The following DMD variants were observed in gnomAD, a reference collection of about 807,000 sequenced individuals.
The protein encoded by DMD is dystrophin.
A neutral mutation model predicts 330.1 loss-of-function variants in DMD; 63 were observed. That is an observed-to-expected ratio of 0.19 (90% CI 0.16 to 0.24). The LOEUF is 0.24. Ranked by LOEUF, DMD falls within the 10% of genes least tolerant of loss-of-function variation. The pLI, the probability that DMD is intolerant of heterozygous loss-of-function variation, is 1.00. For missense variants in DMD, 3,344 were observed against 2,684.1 expected (o/e 1.25, Z -5.43); for synonymous variants, 1,223 against 959.8 (o/e 1.27, Z -5.07).
chrX:31,682,364 C>T (rs1412680786), intron 52 of DMD, among the ~76,000 whole-genome samples: 2 of 111,336 alleles, frequency 1.8e-5, no homozygotes, highest in African/African-American at 3.3e-5. Context: ...AATCTTTGAA[C>T]GCCATTGTTT....
chrX:32,517,493 T>A (rs1239852119), intron 18 of DMD: 6 of 113,297 alleles, frequency 5.3e-5, no homozygotes, highest in Non-Finnish European at 1.1e-4. Flanking sequence ...TGGACACCTT[T>A]TAGATAAGGT....
At chrX:33,191,796 A>T (rs1418465112) in intron 1 of DMD, among the ~76,000 whole-genome samples, 1 of 111,954 alleles carries the variant, frequency 8.9e-6, no homozygotes, top group Non-Finnish European at 1.9e-5. Context: ...AACCCATTGT[A>T]ATATGTTGCT....
chrX:33,182,147 G>A (rs1009166683), intron 1 of DMD, among the ~76,000 whole-genome samples: 7 of 112,284 alleles, frequency 6.2e-5, no homozygotes, highest in Middle Eastern at 4.2e-3. Flanking sequence ...ACCCTAAACC[G>A]AATCGATAAC....
At chrX:33,243,087 C>A (rs939421923) in intron 1 of DMD, among the ~76,000 whole-genome samples, 4 of 111,860 alleles carry the variant, frequency 3.6e-5, no homozygotes, top group Non-Finnish European at 7.5e-5. Flanking sequence ...TTTTGCCCTG[C>A]AAAAGCTCTT....
intron 59 of DMD, among the ~76,000 whole-genome samples, chrX:31,447,355 A>G (rs73450043): frequency 0.013 from 1,315 of 102,883 alleles, 24 homozygotes; most frequent in African/African-American, 0.045. Context: ...CAAATTAGCC[A>G]AAGTCTTCAT....
chrX:33,307,551 G>C (rs2053781909), intron 1 of DMD, among the ~76,000 whole-genome samples: 1 of 111,401 alleles, frequency 9.0e-6, no homozygotes, highest in East Asian at 2.8e-4. Flanking sequence ...AAATTAGCTG[G>C]GTGTCGTGGC....
At chrX:32,249,851 G>A (rs866469315) in intron 43 of DMD, among the ~76,000 whole-genome samples, 1 of 111,456 alleles carries the variant, frequency 9.0e-6, no homozygotes, top group African/African-American at 3.3e-5. Flanking sequence ...AGGATAACCT[G>A]TCCTCAGAGA....
intron 4 of DMD, among the ~76,000 whole-genome samples, chrX:32,844,175 C>A (rs368499892): frequency 2.7e-5 from 3 of 111,375 alleles, no homozygotes; most frequent in South Asian, 7.5e-4. Flanking sequence ...GAGGCTGAGG[C>A]AGGTGGATCA....
intron 1 of DMD, among the ~76,000 whole-genome samples, chrX:33,334,662 A>G (rs977262357): frequency 5.4e-5 from 6 of 111,517 alleles, no homozygotes; most frequent in African/African-American, 1.3e-4. Flanking sequence ...AAACGTGAAA[A>G]CCATTTTAAA....
At chrX:32,870,677 GGATT>G (rs2082880967) in intron 2 of DMD, among the ~76,000 whole-genome samples, 1 of 110,619 alleles carries the variant, frequency 9.0e-6, no homozygotes, top group Non-Finnish European at 1.9e-5. Flanking sequence ...AATGGGGAAA[GGATT>G]CCCTATTTAA....
chrX:33,324,607 C>A (rs1333036953), intron 1 of DMD, among the ~76,000 whole-genome samples: 1 of 111,197 alleles, frequency 9.0e-6, no homozygotes, highest in East Asian at 2.8e-4. Context: ...ATGCTGGCTT[C>A]CATCCTACTG....
At chrX:32,956,418 C>G (rs149087131) in intron 2 of DMD, among the ~76,000 whole-genome samples, 1,749 of 111,214 alleles carry the variant, frequency 0.016, 31 homozygotes, top group African/African-American at 0.054. Flanking sequence ...GTATTTTATT[C>G]TTTCTATGGC....
intron 44 of DMD, among the ~76,000 whole-genome samples, chrX:32,063,421 A>G (rs990845616): frequency 1.5e-4 from 17 of 110,996 alleles, no homozygotes; most frequent in African/African-American, 5.2e-4. Context: ...TCTCGTTGCT[A>G]AGACTTTAGA....
chrX:33,202,194 C>G (rs1311936560), intron 1 of DMD, among the ~76,000 whole-genome samples: 1 of 111,652 alleles, frequency 9.0e-6, no homozygotes, highest in African/African-American at 3.2e-5. Flanking sequence ...TTAGAAGATA[C>G]TATGATTCCT....
chrX:32,776,531 G>A (rs1444525848), intron 7 of DMD, among the ~76,000 whole-genome samples: 1 of 111,418 alleles, frequency 9.0e-6, no homozygotes, highest in Non-Finnish European at 1.9e-5. Flanking sequence ...TGAAGGGGAA[G>A]CAAGTACCTT....
At chrX:32,319,217 A>G (rs1323199952) in intron 41 of DMD, among the ~76,000 whole-genome samples, 1 of 111,357 alleles carries the variant, frequency 9.0e-6, no homozygotes, top group African/African-American at 3.3e-5. Flanking sequence ...GGTTGCCACC[A>G]AGATAAGTAT....
At chrX:31,172,963 T>A (rs974363887) in intron 72 of DMD, among the ~76,000 whole-genome samples, 1 of 111,897 alleles carries the variant, frequency 8.9e-6, no homozygotes, top group Non-Finnish European at 1.9e-5. Context: ...TGTTTGTTTG[T>A]TTGTTTTTTT....
At chrX:32,807,122 T>TAAAAAAAAAAAAAAAAAAAAAAAAA (rs999286386) in intron 7 of DMD, among the ~76,000 whole-genome samples, 1 of 20,744 alleles carries the variant, frequency 4.8e-5, no homozygotes, top group African/African-American at 2.2e-4. Flanking sequence ...CGGAAACATT[T>TAAAAAAAAAAAAAAAAAAAAAAAAA]AAAAAAAAAA....
intron 44 of DMD, among the ~76,000 whole-genome samples, chrX:32,125,517 G>T (rs772657632): frequency 7.2e-5 from 8 of 111,621 alleles, no homozygotes; most frequent in Middle Eastern, 4.7e-3. Context: ...AATTAGGCAG[G>T]GGGGTATGTA....
Sources: allele counts gnomAD v4.1 joint callset (sites outside exome capture counted in the v4.1 genomes callset), GRCh38; gene constraint gnomAD v4.1.1; transcripts MANE v1.5; gene names NCBI Gene and HGNC (gene_info 2026-07-23, HGNC 2026-07-21).